PLK3: variants seen among roughly 807,000 people sequenced by gnomAD.
The protein encoded by PLK3 is serine/threonine-protein kinase PLK3.
PLK3 carries 41 observed loss-of-function variants against 71.6 expected under a neutral mutation model. The observed-to-expected ratio is 0.57, with a 90% CI of 0.45 to 0.74. The LOEUF is 0.74. PLK3 is among the 30% of genes least tolerant of loss of function. PLK3 has a pLI of 0.00. For synonymous variants in PLK3, 366 were observed against 355.4 expected, an observed-to-expected ratio of 1.03 and a Z score of -0.33; for missense variants, 791 against 875.6, an observed-to-expected ratio of 0.90 and a Z score of 1.22.
At position 44,804,264 on chromosome 1, in the gene PLK3, T is replaced by G. The variant is rs1336378129; in HGVS notation, c.1342+18T>G. The G allele has an allele frequency of 6.2e-7, 1 of 1,613,286 alleles. No homozygotes were observed. ...GCCCCCAGGTAAGGGTGGGGTCTGG[T>G]ACATGCTGCTGTGGTGGGAGTTCTG... is the stretch of plus-strand genomic sequence containing the variant. On this transcript the variant is annotated intron_variant, in intron 11 of 14. Transcript: ENST00000372201.
Position 44,800,597 on chromosome 1 carries a change from C to G in PLK3, c.134C>G (p.Pro45Arg). Reference protein sequence around the residue: ...GPELEMLAGLPTSDPGRLITD... With the variant: ...GPELEMLAGLRTSDPGRLITD... Reference sequence around the variant, plus strand: ...GAGCTGGAGATGCTGGCCGGGCTACCGACGTCAGACCCCGGGCGCCTCATC... The same window carrying G: ...GAGCTGGAGATGCTGGCCGGGCTACGGACGTCAGACCCCGGGCGCCTCATC... The change falls in exon 1 of 15, where the codon CCG (proline) becomes CGG (arginine). Residue 45 changes from proline to arginine, a missense_variant. By Grantham distance (103) the Pro-to-Arg change is moderately radical. Transcript: ENST00000372201. The surrounding 1 kb of genome is among the most constrained non-coding windows in gnomAD (Gnocchi z 6.5). 1.3e-6 allele frequency: 2 copies of G among 1,538,442 alleles called. No individual in the cohort carries two copies. The highest frequency in any genetic ancestry group is 1.2e-5 in the South Asian group (1 of 83,894).
Position 44,801,921 on chromosome 1 carries a change from G to A in PLK3, c.642G>A (p.Glu214=). The stretch of plus-strand genomic sequence containing the variant: ...TGGCAGCCCGGTTGGAGCCTCCGGA[G>A]CAGAGGAAGAAGTGAGTTTTGAGGA... ...FGLAARLEPP[E]QRKKTICGTP... Residue 214 remains glutamate, a synonymous_variant, in exon 5 of 15, where the codon GAG becomes GAA. Coordinates refer to ENST00000372201, the MANE Select transcript of PLK3 (RefSeq NM_004073.4). 1.2e-6 allele frequency: 2 copies of A among 1,612,948 alleles called. No individual in the cohort carries two copies. Among genetic ancestry groups the A allele is most frequent in the Non-Finnish European group, 8.5e-7 (1 of 1,179,232 alleles).
In PLK3 at chr1:44,804,640, C is replaced by T. The variant is rs1463559711; in HGVS notation, c.1506-10C>T. 1 of 1,612,246 alleles carries T rather than the reference C, an allele frequency of 6.2e-7. No individual in the cohort carries two copies. The highest frequency in any genetic ancestry group is 1.3e-5 in the African/African-American group (1 of 74,874). ...CAGGGCTCCCTCTGACCTCTGCCTC[C>T]CCATTCTAGGACTGTGCACTACAAT... is the stretch of plus-strand genomic sequence containing the variant. On this transcript the variant is annotated splice_polypyrimidine_tract_variant and intron_variant, in intron 12 of 14. Transcript: ENST00000372201.
Position 44,805,705 on chromosome 1 carries a change from G to C in PLK3, c.*27G>C. On this transcript the variant is annotated 3_prime_UTR_variant, in exon 15 of 15. Coordinates refer to ENST00000372201, the MANE Select transcript of PLK3 (RefSeq NM_004073.4). ...ACCCAAGCCCTGAGGCCTGAGGCCT[G>C]TGCCTGTCAGGCTCTGGCCCTTGCC... 1 of 1,599,926 alleles carries C rather than the reference G, an allele frequency of 6.3e-7. No homozygotes were observed. The highest frequency in any genetic ancestry group is 8.5e-7 in the Non-Finnish European group (1 of 1,173,184).
chr1:44,801,669 A>AGTGC lies in PLK3; in HGVS notation c.485_488dup (p.Tyr164AlafsTer33). ...CCCGGCACACCCTGTTGGAGCCAGA[A>AGTGC]GTGCGCTACTACCTGCGGCAGATCC... On this transcript the variant is annotated frameshift_variant, in exon 4 of 15. Coordinates refer to ENST00000372201, the MANE Select transcript of PLK3 (RefSeq NM_004073.4). LOFTEE classifies it high-confidence loss of function. The AGTGC allele has an allele frequency of 6.2e-7, 1 of 1,613,700 alleles. No individual in the cohort carries two copies.
rs756256582 is a variant in PLK3 at position 44,803,251 on chromosome 1, A to C, written c.949-17A>C. On this transcript the variant is annotated splice_polypyrimidine_tract_variant and intron_variant, in intron 7 of 14. Transcript: ENST00000372201. The surrounding 1 kb of genome is among the most constrained non-coding windows in gnomAD (Gnocchi z 4.3). Reference sequence around the variant, plus strand: ...CCTGGAGCCTCTCTTCTCTGTTCACATGGTTCCCCTCCCTAGGGCTACACC... The same window carrying C: ...CCTGGAGCCTCTCTTCTCTGTTCACCTGGTTCCCCTCCCTAGGGCTACACC... 2 of 1,613,570 alleles carry C rather than the reference A, an allele frequency of 1.2e-6. No homozygotes were observed. Among genetic ancestry groups the C allele is most frequent in the Non-Finnish European group, 1.7e-6 (2 of 1,179,780 alleles).
rs773121033 is a variant in PLK3, at chr1:44,805,278, C to A, written c.1648C>A (p.Pro550Thr). Residue 550 changes from proline (P) to threonine (T), a missense_variant, in exon 14 of 15, where the codon CCC becomes ACC. Physicochemically the swap from Pro to Thr is conservative, Grantham distance 38. Transcript: ENST00000372201. ...EQHLMKGGDL[P>T]SVEEVEVPAP... is the part of the protein sequence containing the mutation. The stretch of plus-strand genomic sequence containing the variant: ...ATCCTGCTCCCAGGGTGGAGATCTG[C>A]CCAGTGTGGAAGAGGTAGAGGTACC... 1.9e-6 allele frequency: 3 copies of A among 1,612,264 alleles called. No individual in the cohort carries two copies. The highest frequency in any genetic ancestry group is 2.5e-6 in the Non-Finnish European group (3 of 1,178,428).
chr1:44,804,864 G>T, intron 13 of PLK3, 85 bp downstream of exon 13: 1 of 1,344,248 alleles, frequency 7.4e-7, no homozygotes, highest in Non-Finnish European at 1.0e-6. Context: ...CCAGCACTTT[G>T]GGAGGCCGAG....
chr1:44,800,932 G>A lies in PLK3; in HGVS notation c.303G>A (p.Pro101=). The part of the protein sequence containing the change: ...KVIPQSRVAK[P]HQREKILNEI... ...TCCCGCAGAGCCGCGTCGCCAAGCC[G>A]CATCAGCGCGAGAAGGTGGGTCCAG... Residue 101 remains proline, a synonymous_variant, in exon 2 of 15, where the codon CCG becomes CCA. Coordinates refer to ENST00000372201, the MANE Select transcript of PLK3 (RefSeq NM_004073.4). The surrounding 1 kb of genome is among the most constrained non-coding windows in gnomAD (Gnocchi z 6.5). 1 of 1,612,928 alleles carries A rather than the reference G, an allele frequency of 6.2e-7. No individual in the cohort carries two copies. The highest frequency in any genetic ancestry group is 2.2e-5 in the East Asian group (1 of 44,860).
rs760094108 is a variant in PLK3 at position 44,804,270 on chromosome 1, C to A, written c.1342+24C>A. On this transcript the variant is annotated intron_variant, in intron 11 of 14. Coordinates refer to ENST00000372201, the MANE Select transcript of PLK3 (RefSeq NM_004073.4). ...AGGTAAGGGTGGGGTCTGGTACATG[C>A]TGCTGTGGTGGGAGTTCTGTGGCTG... 5 of 1,612,542 alleles carry A rather than the reference C, an allele frequency of 3.1e-6. No individual in the cohort carries two copies. The Admixed American group carries it at 6.7e-5, about 22-fold the overall frequency.
At chr1:44,805,066 A>ATTGCACTCCAGCCTGGG in intron 13 of PLK3, 200 bp from the exon 14 acceptor site, 1 of 587,070 alleles carries the variant, frequency 1.7e-6, no homozygotes, top group East Asian at 2.9e-5. Context: ...ATGGCGCACC[A>ATTGCACTCCAGCCTGGG]TTGCACTCCA....
rs376147992 is a variant in PLK3 at position 44,804,131 on chromosome 1, AT to A, written c.1259-30del. 8,555 of 1,600,814 alleles carry A rather than the reference AT, an allele frequency of 5.3e-3. 48 individuals are homozygous for A. Among genetic ancestry groups the A allele is most frequent in the East Asian group, 0.013 (568 of 44,782 alleles). ...GCCTGGCCTGGGTCCTGGGGTGCTA[AT>A]TCCTAAATCTCAGTGCCCTGTCTCC... On this transcript the variant is annotated intron_variant, in intron 10 of 14. Transcript: ENST00000372201.
Position 44,800,414 on chromosome 1 carries a change from G to T in PLK3, c.-50G>T. ...ATCCAGGCAGCGCCACGCGCGGCCG[G>T]GGCCGGGCGGAACCGAGAAGCCGGG... On this transcript the variant is annotated 5_prime_UTR_variant, in exon 1 of 15. Transcript: ENST00000372201. The surrounding 1 kb of genome is among the most constrained non-coding windows in gnomAD (Gnocchi z 6.5). 9 of 1,266,548 alleles carry T rather than the reference G, an allele frequency of 7.1e-6. No homozygotes were observed. The highest frequency in any genetic ancestry group is 8.9e-6 in the Non-Finnish European group (9 of 1,008,834). 78.5% of individuals were successfully genotyped at this position (1,266,548 alleles called of 1,614,324 possible). A position where few individuals can be genotyped will look rare whatever the true frequency, so the allele number is the denominator to read the frequency against.
In PLK3 at chr1:44,800,605, G is replaced by A; in HGVS notation, c.142G>A (p.Asp48Asn). 1 of 1,539,510 alleles carries A rather than the reference G, an allele frequency of 6.5e-7. No individual in the cohort carries two copies. The highest frequency in any genetic ancestry group is 8.7e-7 in the Non-Finnish European group (1 of 1,146,112). ...LEMLAGLPTS[D>N]PGRLITDPRS... Reference sequence around the variant, plus strand: ...GATGCTGGCCGGGCTACCGACGTCAGACCCCGGGCGCCTCATCACGGACCC... The same window carrying A: ...GATGCTGGCCGGGCTACCGACGTCAAACCCCGGGCGCCTCATCACGGACCC... The change falls in exon 1 of 15, where the codon GAC (aspartate) becomes AAC (asparagine). Residue 48 changes from aspartate (D) to asparagine (N), a missense_variant. Coordinates refer to ENST00000372201, the MANE Select transcript of PLK3 (RefSeq NM_004073.4). The surrounding 1 kb of genome is among the most constrained non-coding windows in gnomAD (Gnocchi z 6.5).
At chr1:44,802,719 C>A (rs1328183292) in intron 5 of PLK3, 41 bp from the exon 6 acceptor site, 1 of 1,402,918 alleles carries the variant, frequency 7.1e-7, no homozygotes, top group Non-Finnish European at 1.0e-6. Context: ...GGCTGCTGGG[C>A]TGGGTCTCAG....
chr1:44,800,420 G>A lies in PLK3; in HGVS notation c.-44G>A. 1 of 1,288,100 alleles carries A rather than the reference G, an allele frequency of 7.8e-7. No homozygotes were observed. Among genetic ancestry groups the A allele is most frequent in the Non-Finnish European group, 9.8e-7 (1 of 1,021,900 alleles). The allele number at this position is 1,288,100 out of a possible 1,614,324, so 79.8% of individuals were successfully genotyped here. On this transcript the variant is annotated 5_prime_UTR_variant, in exon 1 of 15. Transcript: ENST00000372201. This position sits in a 1 kb window ranked among gnomAD's most constrained non-coding sequence, Gnocchi z 6.5. ...GCAGCGCCACGCGCGGCCGGGGCCG[G>A]GCGGAACCGAGAAGCCGGGACCGCG...
In PLK3 at chr1:44,805,289, A is replaced by T; in HGVS notation, c.1659A>T (p.Glu553Asp). Residue 553 changes from glutamate (E) to aspartate (D), a missense_variant, in exon 14 of 15, where the codon GAA becomes GAT. Coordinates refer to ENST00000372201, the MANE Select transcript of PLK3 (RefSeq NM_004073.4). The part of the protein sequence containing the change: ...LMKGGDLPSV[E>D]EVEVPAPPLL... ...AGGGTGGAGATCTGCCCAGTGTGGA[A>T]GAGGTAGAGGTACCTGCTCCGCCCT... 1 of 1,613,408 alleles carries T rather than the reference A, an allele frequency of 6.2e-7. No homozygotes were observed. Among genetic ancestry groups the T allele is most frequent in the Non-Finnish European group, 8.5e-7 (1 of 1,179,520 alleles).
intron 3 of PLK3, 121 bp downstream of exon 3, chr1:44,801,273 G>A (rs1651822366): frequency 3.1e-6 from 2 of 646,294 alleles, no homozygotes; most frequent in Admixed American, 3.0e-5. Context: ...GCAGTGGCGC[G>A]ATCTCGGCTC....
At chr1:44,804,543 C>A in intron 12 of PLK3, 42 bp downstream of exon 12, 1 of 1,608,982 alleles carries the variant, frequency 6.2e-7, no homozygotes. Flanking sequence ...GGCCACTAAT[C>A]CAGCAGGGCC....
Sources: gnomAD v4.1 joint callset for allele counts on GRCh38, gnomAD v4.1.1 for gene constraint, Gnocchi (gnomAD v3.1) non-coding constraint, MANE v1.5 for transcripts, NCBI Gene and HGNC (gene_info 2026-07-23, HGNC 2026-07-21) for gene names.